COL5A2: variants seen among roughly 807,000 people sequenced by gnomAD.
COL5A2 encodes collagen alpha-2(V) chain.
COL5A2 carries 23 observed loss-of-function variants against 208.2 expected under a neutral mutation model. The ratio of observed to expected loss-of-function variants is 0.11; its 90% CI spans 0.08 to 0.16. COL5A2 has a LOEUF of 0.16. COL5A2 is among the 10% of genes least tolerant of loss of function. The pLI is 1.00. For missense variants in COL5A2, 1,590 were observed against 1,956.4 expected, an observed-to-expected ratio of 0.81 and a Z score of 3.53; for synonymous variants, 625 against 628.5, an observed-to-expected ratio of 0.99 and a Z score of 0.08.
chr2:189,078,422 T>C, intron 16 of COL5A2, 94 bp downstream of exon 16: 5 of 986,814 alleles, frequency 5.1e-6, no homozygotes, highest in Non-Finnish European at 8.2e-6. Context: ...ACCAGTACTA[T>C]TACTTTCATT....
chr2:189,208,105 T>G (rs990984256), intron 1 of COL5A2, among the ~76,000 whole-genome samples: 2 of 152,160 alleles, frequency 1.3e-5, no homozygotes, highest in African/African-American at 2.4e-5. Context: ...TCAACTCCCC[T>G]CTTAAATGTT....
At chr2:189,244,868 T>C in the COL5A2 span, among the ~76,000 whole-genome samples, 1 of 152,152 alleles carries the variant, frequency 6.6e-6, no homozygotes. Flanking sequence ...ATACAAGTTA[T>C]AAGGGTTTAA....
At chr2:189,397,974 AAT>A in the COL5A2 span, among the ~76,000 whole-genome samples, 2 of 152,096 alleles carry the variant, frequency 1.3e-5, no homozygotes, top group Admixed American at 6.5e-5. Flanking sequence ...CACAAATTTT[AAT>A]ATGTCATATT....
chr2:189,191,084 T>G (rs895496080), intron 1 of COL5A2, among the ~76,000 whole-genome samples: 1 of 140,310 alleles, frequency 7.1e-6, no homozygotes, highest in African/African-American at 2.6e-5. Flanking sequence ...AAGCAGAGCT[T>G]CAGAAAATGA....
At chr2:189,078,371 C>T in intron 16 of COL5A2, 145 bp downstream of exon 16, 1 of 703,628 alleles carries the variant, frequency 1.4e-6, no homozygotes, top group Non-Finnish European at 2.5e-6. Flanking sequence ...TTTCTGTAAA[C>T]CTGACTTTAT....
At chr2:189,070,957 G>C (rs1287222900) in intron 18 of COL5A2, among the ~76,000 whole-genome samples, 1 of 152,206 alleles carries the variant, frequency 6.6e-6, no homozygotes, top group Non-Finnish European at 1.5e-5. Flanking sequence ...CACAGTGTTT[G>C]AATATGTCAT....
the COL5A2 span, among the ~76,000 whole-genome samples, chr2:189,327,825 G>A: frequency 6.6e-6 from 1 of 152,164 alleles, no homozygotes. Flanking sequence ...TAATTGGAAT[G>A]TTCATGTGCT....
the COL5A2 span, among the ~76,000 whole-genome samples, chr2:189,364,130 T>A: frequency 6.6e-6 from 1 of 152,244 alleles, no homozygotes; most frequent in Admixed American, 6.5e-5. Context: ...ATGCAATTAA[T>A]GCAGTTATTA....
At chr2:189,323,596 T>C in the COL5A2 span, among the ~76,000 whole-genome samples, 1 of 152,096 alleles carries the variant, frequency 6.6e-6, no homozygotes, top group African/African-American at 2.4e-5. Flanking sequence ...ATAAAATACC[T>C]AGGAATCCAA....
intron 18 of COL5A2, among the ~76,000 whole-genome samples, 176 bp downstream of exon 18, chr2:189,071,864 A>G (rs1392309172): frequency 6.6e-6 from 1 of 152,116 alleles, no homozygotes; most frequent in African/African-American, 2.4e-5. Context: ...TATACAGTTA[A>G]TTTTATTTTT....
At chr2:189,440,970 A>G in the COL5A2 span, among the ~76,000 whole-genome samples, 1 of 152,230 alleles carries the variant, frequency 6.6e-6, no homozygotes, top group Admixed American at 6.5e-5. Flanking sequence ...TCACAAGAAC[A>G]GAAGAACGGC....
At chr2:189,264,303 G>A in the COL5A2 span, among the ~76,000 whole-genome samples, 17 of 151,896 alleles carry the variant, frequency 1.1e-4, no homozygotes, top group African/African-American at 3.4e-4. Flanking sequence ...AAAGGAAAAC[G>A]GTATTCTGAC....
At chr2:189,126,718 A>G (rs989407729) in intron 1 of COL5A2, among the ~76,000 whole-genome samples, 1 of 152,140 alleles carries the variant, frequency 6.6e-6, no homozygotes, top group African/African-American at 2.4e-5. Flanking sequence ...TAAATGAAAT[A>G]TATGCAGTCC....
chr2:189,328,594 G>A, the COL5A2 span, among the ~76,000 whole-genome samples: 1 of 152,200 alleles, frequency 6.6e-6, no homozygotes, highest in African/African-American at 2.4e-5. Flanking sequence ...TGTTACCAGT[G>A]TGTCAAGCCT....
At chr2:189,152,069 G>A (rs1396801782) in intron 1 of COL5A2, among the ~76,000 whole-genome samples, 1 of 152,094 alleles carries the variant, frequency 6.6e-6, no homozygotes, top group Admixed American at 6.6e-5. Context: ...CAAAATCTCA[G>A]AGGAGAACTA....
At chr2:189,313,667 G>T in the COL5A2 span, among the ~76,000 whole-genome samples, 2 of 152,102 alleles carry the variant, frequency 1.3e-5, no homozygotes, top group Non-Finnish European at 2.9e-5. Flanking sequence ...AAAGAACCAA[G>T]ACTCATCAGT....
chr2:189,151,671 C>T (rs1313842692), intron 1 of COL5A2, among the ~76,000 whole-genome samples: 1 of 152,088 alleles, frequency 6.6e-6, no homozygotes, highest in East Asian at 1.9e-4. Flanking sequence ...ATCTGTAACT[C>T]TTTTTCTTAC....
At chr2:189,170,754 A>AGTAACACAGAAGT (rs1553523663) in intron 1 of COL5A2, among the ~76,000 whole-genome samples, 1 of 152,164 alleles carries the variant, frequency 6.6e-6, no homozygotes, top group Non-Finnish European at 1.5e-5. Context: ...AGGTAAAAAA[A>AGTAACACAGAAGT]AAAGTCACAC....
intron 1 of COL5A2, among the ~76,000 whole-genome samples, chr2:189,185,269 C>T (rs186881289): frequency 3.3e-5 from 5 of 152,190 alleles, no homozygotes; most frequent in African/African-American, 9.6e-5. Context: ...TTGATCTGCC[C>T]GCCTCAGCCT....
Sources: allele counts gnomAD v4.1 joint callset (sites outside exome capture counted in the v4.1 genomes callset), GRCh38; gene constraint gnomAD v4.1.1; transcripts MANE v1.5; gene names NCBI Gene and HGNC (gene_info 2026-07-23, HGNC 2026-07-21).